The following PARP8 variants were observed in gnomAD, a reference collection of about 807,000 sequenced individuals.
PARP8 encodes the protein protein mono-ADP-ribosyltransferase PARP8.
Under a neutral mutation model 124.1 loss-of-function variants are expected in PARP8, and 51 were observed. The ratio of observed to expected loss-of-function variants is 0.41; its 90% CI spans 0.33 to 0.52. PARP8 has a LOEUF of 0.52. Among genes scored for constraint, PARP8 ranks in the 20% least tolerant of loss-of-function variants. The probability of loss-of-function intolerance (pLI) is 0.21; values close to 1 mark genes in which losing one functional copy is unlikely to be tolerated. For synonymous variants in PARP8, 391 were observed against 361.5 expected (o/e 1.08, Z -0.93); for missense variants, 860 against 1,018.9 (o/e 0.84, Z 2.12).
chr5:50,752,116 C>G (rs1027963151), intron 3 of PARP8, among the ~76,000 whole-genome samples: 79 of 151,942 alleles, frequency 5.2e-4, no homozygotes, highest in Non-Finnish European at 2.4e-4. Context: ...ATTTACCAAG[C>G]TTTTTTTTAA....
chr5:50,764,178 C>G (rs1264145820), intron 7 of PARP8, among the ~76,000 whole-genome samples: 1 of 152,180 alleles, frequency 6.6e-6, no homozygotes, highest in Non-Finnish European at 1.5e-5. Flanking sequence ...TTATTCGTCT[C>G]ATGTCTTTTA....
intron 10 of PARP8, among the ~76,000 whole-genome samples, chr5:50,789,473 C>G (rs1326865637): frequency 6.6e-6 from 1 of 150,922 alleles, no homozygotes; most frequent in African/African-American, 2.4e-5. Flanking sequence ...GTGGTTTTCC[C>G]TGAAGAAAAT....
intron 3 of PARP8, chr5:50,757,022 G>T (rs1760038191): frequency 6.2e-6 from 2 of 320,320 alleles, no homozygotes; most frequent in Admixed American, 3.5e-5. Flanking sequence ...TTCAGTTGCT[G>T]AATGTAGTAT....
At chr5:50,802,044 G>A (rs1561402250) in intron 14 of PARP8, among the ~76,000 whole-genome samples, 1 of 152,004 alleles carries the variant, frequency 6.6e-6, no homozygotes, top group Non-Finnish European at 1.5e-5. Flanking sequence ...TGTTGATCTT[G>A]GTTTTAAATC....
At position 50,716,193 on chromosome 5, in the gene PARP8, A is replaced by G. The variant is rs368594440; in HGVS notation, c.147-33958A>G. ...GGCTGGTTATTCCTTACATTAGAAT[A>G]CAAAGGAAGTTAAATTACAAAGGAA... On this transcript the variant is annotated intron_variant, in intron 2 of 25. Transcript: ENST00000281631. Among the ~76,000 whole-genome samples the G allele has an allele frequency of 8.5e-5, 13 of 152,170 alleles. No homozygotes were observed. The East Asian group carries it at 2.5e-3, about 29-fold the overall frequency.
In PARP8 at chr5:50,763,223, C is replaced by A; in HGVS notation, c.499C>A (p.Pro167Thr). Reference sequence around the variant, plus strand: ...GTCAGCAGTTAGAGAGATATATGGGCCACATGCAGTTTCTCTCAGGTAAAT... The same window carrying A: ...GTCAGCAGTTAGAGAGATATATGGGACACATGCAGTTTCTCTCAGGTAAAT... ...DLSAVREIYG[P>T]HAVSLREYGA... The change falls in exon 7 of 26, where the codon CCA becomes ACA. Residue 167 changes from proline (P) to threonine (T), a missense_variant. By Grantham distance (38) the Pro-to-Thr change is conservative. Transcript: ENST00000281631. 1 of 1,610,998 alleles carries A rather than the reference C, an allele frequency of 6.2e-7. No individual in the cohort carries two copies. The highest frequency in any genetic ancestry group is 1.1e-5 in the South Asian group (1 of 91,006).
At chr5:50,818,436 G>A (rs1401542604) in intron 15 of PARP8, among the ~76,000 whole-genome samples, 1 of 152,086 alleles carries the variant, frequency 6.6e-6, no homozygotes, top group South Asian at 2.1e-4. Context: ...GGCCATCTTG[G>A]CCACGCTGGT....
At chr5:50,774,541 C>A (rs1173026903) in intron 7 of PARP8, among the ~76,000 whole-genome samples, 3 of 136,710 alleles carry the variant, frequency 2.2e-5, no homozygotes, top group Non-Finnish European at 4.7e-5. Flanking sequence ...GGCAGAGGCG[C>A]TCCTCATTTC....
intron 2 of PARP8, among the ~76,000 whole-genome samples, chr5:50,747,925 A>G (rs1406874619): frequency 6.6e-6 from 1 of 150,804 alleles, no homozygotes; most frequent in Non-Finnish European, 1.5e-5. Context: ...GGCGCCTGCC[A>G]CCGCGCCCGG....
Position 50,761,879 on chromosome 5 carries a change from A to G in PARP8, c.404A>G (p.Glu135Gly). 1 of 1,602,826 alleles carries G rather than the reference A, an allele frequency of 6.2e-7. No homozygotes were observed. The highest frequency in any genetic ancestry group is 8.5e-7 in the Non-Finnish European group (1 of 1,172,230). ...EDSEGDNDSE[E>G]FYYGGQVNYD... ...TCTGAAGGTGACAATGATTCCGAAG[A>G]ATTTTATTACGGAGGGCAGGTAAGG... The change falls in exon 6 of 26, where the codon GAA becomes GGA. Residue 135 changes from glutamate to glycine, a missense_variant. Physicochemically the swap from Glu to Gly is moderately conservative, Grantham distance 98. This residue lies in a region of PARP8 where 517 missense variants were observed against 544.2 expected (regional missense o/e 0.95). Coordinates refer to ENST00000281631, the MANE Select transcript of PARP8 (RefSeq NM_024615.4).
chr5:50,794,730 G>A (rs1380834847), intron 11 of PARP8, 123 bp from the exon 12 acceptor site: 14 of 855,794 alleles, frequency 1.6e-5, no homozygotes, highest in Non-Finnish European at 2.3e-5. Context: ...TGACTGGGTA[G>A]GCTATATTAA....
chr5:50,698,017 T>G (rs62368277), intron 2 of PARP8, among the ~76,000 whole-genome samples: 50,339 of 152,028 alleles, frequency 0.33, 10,418 homozygotes, highest in Non-Finnish European at 0.44. Context: ...TCTCTCCTTG[T>G]GATTAGGTTA....
At chr5:50,699,852 A>C (rs1399517670) in intron 2 of PARP8, among the ~76,000 whole-genome samples, 3 of 152,158 alleles carry the variant, frequency 2.0e-5, no homozygotes, top group Admixed American at 1.3e-4. Flanking sequence ...CTAGGACATA[A>C]GAGGTCTCGG....
At chr5:50,678,408 T>C (rs1006046356) in intron 2 of PARP8, among the ~76,000 whole-genome samples, 4 of 152,192 alleles carry the variant, frequency 2.6e-5, no homozygotes, top group African/African-American at 9.7e-5. Flanking sequence ...GCAACACATC[T>C]TAAGCTTTTC....
At chr5:50,700,941 A>C (rs1348303808) in intron 2 of PARP8, among the ~76,000 whole-genome samples, 1 of 152,136 alleles carries the variant, frequency 6.6e-6, no homozygotes, top group African/African-American at 2.4e-5. Flanking sequence ...GATCCATCTG[A>C]GTACCCAGTA....
intron 16 of PARP8, among the ~76,000 whole-genome samples, chr5:50,821,853 G>T (rs539942175): frequency 6.6e-6 from 1 of 152,148 alleles, no homozygotes; most frequent in South Asian, 2.1e-4. Context: ...TGGCAACAGC[G>T]CACATATTTA....
In PARP8 at chr5:50,761,815, T is replaced by C; in HGVS notation, c.346-6T>C. On this transcript the variant is annotated splice_polypyrimidine_tract_variant and splice_region_variant and intron_variant, in intron 5 of 25. Transcript: ENST00000281631. ...TTAAATTGTTTTCTTACTTTATTATTTTAAGGAATCAAGACAGAATAGTAC... is the reference window on the plus strand; with the variant it reads ...TTAAATTGTTTTCTTACTTTATTATCTTAAGGAATCAAGACAGAATAGTAC... 1 of 1,545,262 alleles carries C rather than the reference T, an allele frequency of 6.5e-7. No homozygotes were observed. The highest frequency in any genetic ancestry group is 8.8e-7 in the Non-Finnish European group (1 of 1,137,966).
chr5:50,821,148 G>A, intron 15 of PARP8, 65 bp from the exon 16 acceptor site: 1 of 1,584,022 alleles, frequency 6.3e-7, no homozygotes, highest in East Asian at 2.2e-5. Flanking sequence ...TTGAGAGGGA[G>A]AAACAATGGC....
At chr5:50,765,379 A>G (rs1760961575) in intron 7 of PARP8, among the ~76,000 whole-genome samples, 1 of 152,174 alleles carries the variant, frequency 6.6e-6, no homozygotes. Flanking sequence ...CCCCAGTCAT[A>G]TTGCCATGTA....
Sources: allele counts gnomAD v4.1 joint callset (sites outside exome capture counted in the v4.1 genomes callset), GRCh38; gene constraint gnomAD v4.1.1; regional missense constraint gnomAD v4.1.1; transcripts MANE v1.5; gene names NCBI Gene and HGNC (gene_info 2026-07-23, HGNC 2026-07-21).